Variants in TBC1D2B observed in about 807,000 individuals in gnomAD.
The protein encoded by TBC1D2B is TBC1 domain family, member 2B.
TBC1D2B carries 64 observed loss-of-function variants against 100.8 expected under a neutral mutation model. That is an observed-to-expected ratio of 0.64 (90% CI 0.52 to 0.78). The LOEUF is 0.78. TBC1D2B is among the 30% of genes least tolerant of loss of function. The pLI, the probability that TBC1D2B is intolerant of heterozygous loss-of-function variation, is 0.00. For synonymous variants in TBC1D2B, 480 were observed against 479.7 expected, an observed-to-expected ratio of 1.00 and a Z score of -0.01; for missense variants, 1,052 against 1,218.4, an observed-to-expected ratio of 0.86 and a Z score of 2.03.
chr15:78,014,470 A>C (rs541961661), intron 8 of TBC1D2B, among the ~76,000 whole-genome samples: 1 of 152,368 alleles, frequency 6.6e-6, no homozygotes, highest in South Asian at 2.1e-4. Context: ...ACGTGGGCAC[A>C]TGGGAATATG....
At chr15:78,034,325 C>T in intron 3 of TBC1D2B, 1 of 182,788 alleles carries the variant, frequency 5.5e-6, no homozygotes, top group Non-Finnish European at 1.0e-5. Context: ...ATGACTGGTT[C>T]ATCACTTCAC....
At chr15:78,072,280 G>A (rs1293320966) in intron 1 of TBC1D2B, among the ~76,000 whole-genome samples, 1 of 152,214 alleles carries the variant, frequency 6.6e-6, no homozygotes, top group African/African-American at 2.4e-5. Context: ...ACTGTGTGAG[G>A]CAGTGGGAGA....
At chr15:78,005,021 T>C (rs2072028536) in intron 10 of TBC1D2B, among the ~76,000 whole-genome samples, 2 of 152,142 alleles carry the variant, frequency 1.3e-5, no homozygotes, top group African/African-American at 2.4e-5. Context: ...CAGCTAATGA[T>C]GATGTAATTC....
intron 9 of TBC1D2B, among the ~76,000 whole-genome samples, chr15:78,012,393 T>C (rs766470701): frequency 1.3e-5 from 2 of 152,212 alleles, no homozygotes; most frequent in Non-Finnish European, 2.9e-5. Flanking sequence ...CAAGTTTAAG[T>C]CCATGAAGGG....
At chr15:78,025,203 C>T in intron 5 of TBC1D2B, 56 bp downstream of exon 5, 3 of 1,500,662 alleles carry the variant, frequency 2.0e-6, no homozygotes, top group Non-Finnish European at 2.8e-6. Context: ...GGCTTTACTC[C>T]TCCCGTCCTT....
chr15:78,021,487 C>T (rs1448440591), intron 6 of TBC1D2B, among the ~76,000 whole-genome samples: 3 of 152,184 alleles, frequency 2.0e-5, no homozygotes, highest in African/African-American at 4.8e-5. Flanking sequence ...CTCCCTGGAG[C>T]CTTTCCAGTT....
chr15:78,035,838 G>A (rs1413022204), intron 3 of TBC1D2B, among the ~76,000 whole-genome samples: 2 of 152,188 alleles, frequency 1.3e-5, no homozygotes, highest in East Asian at 3.8e-4. Context: ...ACCGAATTCT[G>A]TTAGAACAAG....
At chr15:78,030,309 T>A in intron 3 of TBC1D2B, 139 bp from the exon 4 acceptor site, 1 of 324,196 alleles carries the variant, frequency 3.1e-6, no homozygotes, top group Non-Finnish European at 5.0e-6. Context: ...GGGGATTCCC[T>A]TTTTTTTTTT....
intron 9 of TBC1D2B, among the ~76,000 whole-genome samples, chr15:78,011,341 G>A (rs2072217758): frequency 6.6e-6 from 1 of 152,168 alleles, no homozygotes; most frequent in Non-Finnish European, 1.5e-5. Flanking sequence ...TACCTGGCAT[G>A]GAGCAGGAGC....
In TBC1D2B at chr15:78,001,632, T is replaced by C. The variant is rs773860917; in HGVS notation, c.2683A>G (p.Ile895Val). The change falls in exon 12 of 13, where the codon ATC (isoleucine) becomes GTC (valine). Residue 895 changes from isoleucine to valine, a missense_variant. Ile to Val is a conservative substitution (Grantham distance 29, BLOSUM62 3). Transcript: ENST00000300584. The stretch of plus-strand genomic sequence containing the variant: ...CCCAGGACTCACCTAGCATCAAGGA[T>C]AGTGCGAGTGAAGTAGCGGAGATAC... The part of the protein sequence containing the change: ...FKYLRYFTRT[I>V]LDARKLISIS... 36 of 1,609,460 alleles carry C rather than the reference T, an allele frequency of 2.2e-5. No individual in the cohort carries two copies. Among genetic ancestry groups the C allele is most frequent in the Non-Finnish European group, 2.9e-5 (34 of 1,178,004 alleles).
intron 1 of TBC1D2B, among the ~76,000 whole-genome samples, chr15:78,067,594 G>A (rs1177254659): frequency 6.6e-6 from 1 of 152,214 alleles, no homozygotes. Flanking sequence ...GGCCAGGCCT[G>A]CCATCTGACA....
chr15:78,002,591 A>T (rs1311250942), intron 11 of TBC1D2B: 1 of 151,420 alleles, frequency 6.6e-6, no homozygotes, highest in East Asian at 1.9e-4. Context: ...TGCTTTCCCC[A>T]TATCTAAGGG....
chr15:78,068,078 C>T (rs2073687449), intron 1 of TBC1D2B, among the ~76,000 whole-genome samples: 1 of 152,182 alleles, frequency 6.6e-6, no homozygotes, highest in African/African-American at 2.4e-5. Context: ...TGGAGAAGTG[C>T]CAGACTTCTC....
chr15:78,075,197 A>ATT (rs150515862), intron 1 of TBC1D2B, among the ~76,000 whole-genome samples: 3 of 149,826 alleles, frequency 2.0e-5, no homozygotes, highest in African/African-American at 7.4e-5. Context: ...CTTATTTATT[A>ATT]TTTTTTTTTT....
At chr15:78,037,650 C>T (rs1263477275) in intron 3 of TBC1D2B, among the ~76,000 whole-genome samples, 1 of 152,108 alleles carries the variant, frequency 6.6e-6, no homozygotes, top group African/African-American at 2.4e-5. Flanking sequence ...GAGGGAGGGC[C>T]AGCTGCCCAG....
Position 78,016,745 on chromosome 15 carries a change from G to C in TBC1D2B, c.1582-6C>G. 1 of 1,525,034 alleles carries C rather than the reference G, an allele frequency of 6.6e-7. No individual in the cohort carries two copies. Among genetic ancestry groups the C allele is most frequent in the South Asian group, 1.3e-5 (1 of 75,446 alleles). The allele number at this position is 1,525,034 out of a possible 1,614,324, so 94.5% of individuals were successfully genotyped here. A position where few individuals can be genotyped will look rare whatever the true frequency, so the allele number is the denominator to read the frequency against. ...TTGGCTTCCAGGCTAGAATACTGCA[G>C]AGAATGTGGTGGTTACCTCCATTCA... On this transcript the variant is annotated splice_region_variant and splice_polypyrimidine_tract_variant and intron_variant, in intron 7 of 12. Coordinates refer to ENST00000300584, the MANE Select transcript of TBC1D2B (RefSeq NM_144572.2).
intron 6 of TBC1D2B, among the ~76,000 whole-genome samples, chr15:78,019,879 A>C (rs1470993799): frequency 2.1e-5 from 3 of 145,128 alleles, no homozygotes; most frequent in Non-Finnish European, 1.5e-5. Flanking sequence ...AAATAGTGAG[A>C]CTCTGTATCA....
intron 4 of TBC1D2B, among the ~76,000 whole-genome samples, chr15:78,029,677 C>A (rs1275282329): frequency 6.6e-6 from 1 of 152,090 alleles, no homozygotes; most frequent in Admixed American, 6.6e-5. Context: ...TGTGTGTACA[C>A]CAGAATTCAT....
chr15:78,037,763 A>G (rs1305624522), intron 3 of TBC1D2B, among the ~76,000 whole-genome samples: 2 of 152,224 alleles, frequency 1.3e-5, no homozygotes, highest in Non-Finnish European at 2.9e-5. Context: ...GGGTCATGAC[A>G]AGCATTTTTT....
Sources: allele counts gnomAD v4.1 joint callset (sites outside exome capture counted in the v4.1 genomes callset), GRCh38; gene constraint gnomAD v4.1.1; transcripts MANE v1.5; gene names NCBI Gene and HGNC (gene_info 2026-07-23, HGNC 2026-07-21).